NIM1K: variants seen among roughly 807,000 people sequenced by gnomAD.
NIM1K encodes the protein serine/threonine-protein kinase NIM1.
Under a neutral mutation model 37.1 loss-of-function variants are expected in NIM1K, and 35 were observed. The ratio of observed to expected loss-of-function variants is 0.94; its 90% CI spans 0.72 to 1.25. The LOEUF is 1.25. Among genes scored for constraint, NIM1K ranks in the 50% most tolerant of loss-of-function variants. The pLI is 0.00. For synonymous variants in NIM1K, 234 were observed against 206.6 expected (o/e 1.13, Z -1.14); for missense variants, 564 against 548.0 (o/e 1.03, Z -0.29).
intron 1 of NIM1K, among the ~76,000 whole-genome samples, chr5:43,243,439 A>G (rs1205595330): frequency 6.6e-6 from 1 of 150,430 alleles, no homozygotes; most frequent in East Asian, 2.0e-4. Context: ...TGCAAATTGT[A>G]TGGGTGAGGG....
intron 1 of NIM1K, chr5:43,207,240 G>A: frequency 2.6e-6 from 2 of 757,084 alleles, no homozygotes; most frequent in Non-Finnish European, 5.0e-6. Flanking sequence ...ATCATGGGAA[G>A]TGGCAAAGAT....
chr5:43,242,737 A>G (rs76986843), intron 1 of NIM1K: 2 of 151,832 alleles, frequency 1.3e-5, no homozygotes, highest in African/African-American at 2.4e-5. Flanking sequence ...ACAAACTTTT[A>G]TCAACTACTG....
intron 2 of NIM1K, among the ~76,000 whole-genome samples, chr5:43,251,414 T>C (rs758254235): frequency 1.3e-5 from 2 of 152,182 alleles, no homozygotes; most frequent in Non-Finnish European, 2.9e-5. Context: ...TTCAACCTCA[T>C]GAGTCTTAAA....
At position 43,280,741 on chromosome 5, in the gene NIM1K, C is replaced by T. The variant is rs1293613523; in HGVS notation, c.*12C>T. ...GCTCGATTTTATAAATTGCACTAGA[C>T]TGCTTGTAACTAACCAAGATGATTG... On this transcript the variant is annotated 3_prime_UTR_variant, in exon 4 of 4. Coordinates refer to ENST00000326035, the MANE Select transcript of NIM1K (RefSeq NM_153361.4). The T allele has an allele frequency of 6.4e-7, 1 of 1,554,284 alleles. No homozygotes were observed. The highest frequency in any genetic ancestry group is 8.7e-7 in the Non-Finnish European group (1 of 1,152,812).
At chr5:43,213,787 C>CACA (rs777563372) in intron 1 of NIM1K, among the ~76,000 whole-genome samples, 6 of 151,820 alleles carry the variant, frequency 4.0e-5, no homozygotes, top group Non-Finnish European at 2.9e-5. Flanking sequence ...TGAGCCACTG[C>CACA]CCCGGCCAAT....
At chr5:43,270,821 G>C (rs546834098) in intron 2 of NIM1K, among the ~76,000 whole-genome samples, 1 of 152,166 alleles carries the variant, frequency 6.6e-6, no homozygotes, top group African/African-American at 2.4e-5. Flanking sequence ...CCGAAGGCAT[G>C]ATAACATTAA....
At chr5:43,206,305 C>T (rs1752109532) in intron 1 of NIM1K, among the ~76,000 whole-genome samples, 1 of 151,778 alleles carries the variant, frequency 6.6e-6, no homozygotes, top group Non-Finnish European at 1.5e-5. Flanking sequence ...CAAGACCAGC[C>T]TGTGCAACAT....
Position 43,280,360 on chromosome 5 carries a change from C to T in NIM1K, c.942C>T (p.Tyr314=), listed in dbSNP as rs1431920594. The change falls in exon 4 of 4, where the codon TAC becomes TAT. Residue 314 remains tyrosine, a synonymous_variant. Coordinates refer to ENST00000326035, the MANE Select transcript of NIM1K (RefSeq NM_153361.4). ...GVLQQIPTER[Y]GIDCIMNDEW... ...TTCAGCAGATCCCCACGGAGAGGTACGGAATCGACTGCATCATGAATGATG... is the reference window on the plus strand; with the variant it reads ...TTCAGCAGATCCCCACGGAGAGGTATGGAATCGACTGCATCATGAATGATG... The T allele has an allele frequency of 1.2e-6, 2 of 1,614,096 alleles. No individual in the cohort carries two copies. Among genetic ancestry groups the T allele is most frequent in the Non-Finnish European group, 8.5e-7 (1 of 1,180,034 alleles).
chr5:43,261,968 C>T (rs1049435356), intron 2 of NIM1K, among the ~76,000 whole-genome samples: 1 of 152,022 alleles, frequency 6.6e-6, no homozygotes, highest in Admixed American at 6.6e-5. Context: ...ATTGGTCTAT[C>T]TCTCTGTTTT....
At chr5:43,210,244 G>A (rs1004534432) in intron 1 of NIM1K, among the ~76,000 whole-genome samples, 1 of 152,036 alleles carries the variant, frequency 6.6e-6, no homozygotes, top group African/African-American at 2.4e-5. Context: ...ATAATAGGTA[G>A]AATTTCAACC....
Position 43,245,669 on chromosome 5 carries a change from C to A in NIM1K, c.-107C>A. The A allele has an allele frequency of 9.0e-7, 1 of 1,105,878 alleles. No homozygotes were observed. The highest frequency in any genetic ancestry group is 1.3e-6 in the Non-Finnish European group (1 of 778,590). The allele number at this position is 1,105,878 out of a possible 1,614,324, so 68.5% of individuals were successfully genotyped here. A position where few individuals can be genotyped will look rare whatever the true frequency, so the allele number is the denominator to read the frequency against. ...CAGCTCTCAGGAAAACTCTTTTGAA[C>A]CCTGGGCACCTGCTGTCCTCAGTTG... is the stretch of plus-strand genomic sequence containing the variant. On this transcript the variant is annotated 5_prime_UTR_variant, in exon 2 of 4. Coordinates refer to ENST00000326035, the MANE Select transcript of NIM1K (RefSeq NM_153361.4).
intron 1 of NIM1K, among the ~76,000 whole-genome samples, chr5:43,233,889 T>C (rs141606548): frequency 6.8e-4 from 103 of 152,366 alleles, no homozygotes; most frequent in Middle Eastern, 6.8e-3. Context: ...ATGATTCCAT[T>C]CAGTATCTTA....
At chr5:43,244,199 T>A (rs1752745183) in intron 1 of NIM1K, among the ~76,000 whole-genome samples, 1 of 152,264 alleles carries the variant, frequency 6.6e-6, no homozygotes, top group African/African-American at 2.4e-5. Flanking sequence ...CAGTCTCTCA[T>A]GTTTTCAGTC....
chr5:43,197,574 C>T lies in NIM1K; in HGVS notation c.-695+5163C>T, dbSNP rs538669455. 4.6e-5 allele frequency among the ~76,000 whole-genome samples: 7 copies of T among 152,296 alleles called. No homozygotes were observed. In the East Asian group the frequency reaches 7.7e-4, roughly 17 times the overall value. ...ATACTCCCTCAGATGTAATCAACAG[C>T]GCCAGCCCTTGAGCTCCTACAGAAC... On this transcript the variant is annotated intron_variant, in intron 1 of 3. Transcript: ENST00000326035.
chr5:43,231,959 AG>A, intron 1 of NIM1K: 1 of 963,460 alleles, frequency 1.0e-6, no homozygotes, highest in South Asian at 1.3e-5. Context: ...AGTGAACAAA[AG>A]CACTCTTGAC....
At chr5:43,236,502 C>A (rs1384283549) in intron 1 of NIM1K, among the ~76,000 whole-genome samples, 2 of 152,172 alleles carry the variant, frequency 1.3e-5, no homozygotes, top group African/African-American at 4.8e-5. Flanking sequence ...CCAAAAAATT[C>A]TTAATTGCCA....
chr5:43,218,036 G>A (rs1466904864), intron 1 of NIM1K, among the ~76,000 whole-genome samples: 1 of 151,400 alleles, frequency 6.6e-6, no homozygotes, highest in Non-Finnish European at 1.5e-5. Context: ...TTTTGAGACT[G>A]AGTCTCAGTC....
chr5:43,217,572 A>G (rs1421746397), intron 1 of NIM1K, among the ~76,000 whole-genome samples: 1 of 149,182 alleles, frequency 6.7e-6, no homozygotes, highest in Non-Finnish European at 1.5e-5. Flanking sequence ...TATCTTTTTT[A>G]TTCTAGCAGG....
In NIM1K at chr5:43,207,063, C is replaced by T; in HGVS notation, c.-695+14652C>T. On this transcript the variant is annotated intron_variant, in intron 1 of 3. Transcript: ENST00000326035. ...GAGGAGCCATCAACAGATATTGGCC[C>T]ATTACCTATGGGCGCCTGGTTGAAT... The T allele has an allele frequency of 8.3e-6, 6 of 724,870 alleles. No individual in the cohort carries two copies. In the South Asian group the frequency reaches 8.8e-5, roughly 11 times the overall value. 44.9% of individuals were successfully genotyped at this position (724,870 alleles called of 1,614,324 possible). A position where few individuals can be genotyped will look rare whatever the true frequency, so the allele number is the denominator to read the frequency against.
Sources: allele counts gnomAD v4.1 joint callset (sites outside exome capture counted in the v4.1 genomes callset), GRCh38; gene constraint gnomAD v4.1.1; transcripts MANE v1.5; gene names NCBI Gene and HGNC (gene_info 2026-07-23, HGNC 2026-07-21).